AGBL1: variants seen among roughly 807,000 people sequenced by gnomAD.
AGBL1 encodes the protein AGBL carboxypeptidase 1.
In AGBL1, 130 loss-of-function variants were observed where a neutral mutation model predicts 118.9. The ratio of observed to expected loss-of-function variants is 1.09; its 90% CI spans 0.95 to 1.26. The LOEUF is 1.26. AGBL1 is among the 50% of genes most tolerant of loss of function. The pLI is 0.00. For missense variants in AGBL1, 1,584 were observed against 1,298.1 expected, an observed-to-expected ratio of 1.22 and a Z score of -3.38; for synonymous variants, 555 against 478.9, an observed-to-expected ratio of 1.16 and a Z score of -2.08.
chr15:86,151,630 C>G (rs932025848), intron 3 of AGBL1, among the ~76,000 whole-genome samples: 11 of 152,164 alleles, frequency 7.2e-5, no homozygotes, highest in Admixed American at 6.5e-5. Flanking sequence ...CGAGTATGCC[C>G]TCTCTCACCA....
At position 86,907,968 on chromosome 15, in the gene AGBL1, A is replaced by G. The variant is rs1427215493; in HGVS notation, c.*674A>G. Reference sequence around the variant, plus strand: ...TGATCTTCACAGATTTTAAGATCCTATGTATTCAGATCACCAAACATAATG... The same window carrying G: ...TGATCTTCACAGATTTTAAGATCCTGTGTATTCAGATCACCAAACATAATG... On this transcript the variant is annotated 3_prime_UTR_variant, in exon 23 of 23. Coordinates refer to ENST00000614907, the MANE Select transcript of AGBL1 (RefSeq NM_001386094.1). 4 of 152,194 alleles carry G rather than the reference A, an allele frequency of 2.6e-5. No individual in the cohort carries two copies. The highest frequency in any genetic ancestry group is 3.9e-4 in the East Asian group (2 of 5,186). 9.4% of individuals were successfully genotyped at this position (152,194 alleles called of 1,614,324 possible).
At chr15:86,262,971 G>T (rs1267000056) in intron 10 of AGBL1, 77 bp downstream of exon 10, 1 of 1,014,422 alleles carries the variant, frequency 9.9e-7, no homozygotes, top group Non-Finnish European at 1.5e-6. Context: ...CCAAACCAGG[G>T]TGTCCAGATG....
At chr15:86,798,711 T>G (rs7179323) in intron 22 of AGBL1, among the ~76,000 whole-genome samples, 317 of 150,152 alleles carry the variant, frequency 2.1e-3, no homozygotes, top group African/African-American at 7.6e-3. Context: ...TGCTGGGTAG[T>G]ACGTCTGGAT....
intron 21 of AGBL1, among the ~76,000 whole-genome samples, chr15:86,566,569 A>G (rs1045812973): frequency 4.0e-5 from 6 of 151,702 alleles, no homozygotes; most frequent in Non-Finnish European, 5.9e-5. Context: ...TCCTTTTCTC[A>G]TTTCACTTCC....
chr15:86,755,335 G>A (rs960940051), intron 22 of AGBL1, among the ~76,000 whole-genome samples: 1 of 152,212 alleles, frequency 6.6e-6, no homozygotes, highest in Admixed American at 6.5e-5. Flanking sequence ...TTTGAAGTTT[G>A]AGTTATTATT....
chr15:86,717,061 G>A (rs1029308027), intron 22 of AGBL1, among the ~76,000 whole-genome samples: 1 of 152,162 alleles, frequency 6.6e-6, no homozygotes. Context: ...CTGGTATATG[G>A]TAAGTGCTCA....
At chr15:86,979,899 A>G (rs894299690) in intron 23 of AGBL1, among the ~76,000 whole-genome samples, 3 of 152,058 alleles carry the variant, frequency 2.0e-5, no homozygotes, top group Non-Finnish European at 4.4e-5. Context: ...TTCCCATCCC[A>G]TAACAACAGA....
At chr15:86,674,968 C>T (rs2085812354) in intron 22 of AGBL1, among the ~76,000 whole-genome samples, 1 of 152,176 alleles carries the variant, frequency 6.6e-6, no homozygotes, top group Admixed American at 6.5e-5. Flanking sequence ...GGCTAGATTT[C>T]TGAGAATCGT....
At position 86,785,360 on chromosome 15, in the gene AGBL1, C is replaced by CTTTTTTTTTTT. The variant is rs891818403; in HGVS notation, c.3158+110932_3158+110942dup. Among the ~76,000 whole-genome samples the CTTTTTTTTTTT allele has an allele frequency of 3.2e-3, 319 of 98,870 alleles. 1 individual carries two copies. Among genetic ancestry groups the CTTTTTTTTTTT allele is most frequent in the Non-Finnish European group, 4.6e-3 (220 of 47,570 alleles). 64.9% of individuals were successfully genotyped at this position (98,870 alleles called of 152,430 possible). On this transcript the variant is annotated intron_variant, in intron 22 of 22. Coordinates refer to ENST00000614907, the MANE Select transcript of AGBL1 (RefSeq NM_001386094.1). Reference sequence around the variant, plus strand: ...GAAGAGGCACAGAGATCTGCGGGTTCTTTTTTTTTTTTTTTTTTGTTTTTG... The same window carrying CTTTTTTTTTTT: ...GAAGAGGCACAGAGATCTGCGGGTTCTTTTTTTTTTTTTTTTTTTTTTTTTTTTTGTTTTTG...
At chr15:86,800,397 G>C (rs1276651954) in intron 22 of AGBL1, among the ~76,000 whole-genome samples, 1 of 151,986 alleles carries the variant, frequency 6.6e-6, no homozygotes, top group African/African-American at 2.4e-5. Context: ...CTTGCAAATA[G>C]TACATCTTAG....
chr15:86,080,321 T>C (rs1222152071), intron 1 of AGBL1: 1 of 262,892 alleles, frequency 3.8e-6, no homozygotes, highest in African/African-American at 2.2e-5. Flanking sequence ...AAAAGCCTGT[T>C]TGGCAAATGA....
intron 22 of AGBL1, among the ~76,000 whole-genome samples, chr15:86,843,103 A>G (rs2079268517): frequency 1.3e-5 from 2 of 152,296 alleles, no homozygotes; most frequent in South Asian, 2.1e-4. Flanking sequence ...AAAACTACAG[A>G]TGGGTAAATA....
At chr15:86,365,046 C>G (rs1432360895) in intron 17 of AGBL1, among the ~76,000 whole-genome samples, 3 of 143,134 alleles carry the variant, frequency 2.1e-5, no homozygotes, top group Non-Finnish European at 4.5e-5. Context: ...TATATATACA[C>G]ACATATATAT....
intron 18 of AGBL1, among the ~76,000 whole-genome samples, chr15:86,512,020 C>T (rs2083058239): frequency 6.6e-6 from 1 of 151,904 alleles, no homozygotes; most frequent in African/African-American, 2.4e-5. Context: ...CAGTTTAGGA[C>T]ATTAAAATAT....
At chr15:86,996,433 CT>C (rs1447063100) in intron 24 of AGBL1, among the ~76,000 whole-genome samples, 1 of 152,152 alleles carries the variant, frequency 6.6e-6, no homozygotes, top group Non-Finnish European at 1.5e-5. Flanking sequence ...ACTTTGTGCA[CT>C]GCTTCTTTAA....
intron 24 of AGBL1, among the ~76,000 whole-genome samples, chr15:86,995,421 CTAAGGTACATAG>C (rs2081371143): frequency 6.6e-6 from 1 of 152,016 alleles, no homozygotes; most frequent in African/African-American, 2.4e-5. Flanking sequence ...CATAGGGGCA[CTAAGGTACATAG>C]AAGTTAACCA....
chr15:86,456,568 C>T (rs2082260663), intron 18 of AGBL1, among the ~76,000 whole-genome samples: 1 of 152,182 alleles, frequency 6.6e-6, no homozygotes, highest in Non-Finnish European at 1.5e-5. Context: ...GAGAGGTTTA[C>T]TCTTCAGGTT....
intron 1 of AGBL1, among the ~76,000 whole-genome samples, chr15:86,122,890 C>A (rs773493925): frequency 2.0e-5 from 3 of 152,148 alleles, no homozygotes; most frequent in Non-Finnish European, 4.4e-5. Context: ...TAAAACAGAG[C>A]TCTTAAGACT....
At position 86,889,264 on chromosome 15, in the gene AGBL1, A is replaced by G. The variant is rs143406576; in HGVS notation, c.3159-17823A>G. Among the ~76,000 whole-genome samples the G allele has an allele frequency of 7.7e-4, 111 of 143,680 alleles. 2 individuals are homozygous for G. In the East Asian group the frequency reaches 0.019, roughly 25 times the overall value. The allele number at this position is 143,680 out of a possible 152,430, so 94.3% of individuals were successfully genotyped here. On this transcript the variant is annotated intron_variant, in intron 22 of 22. Transcript: ENST00000614907. ...AATTAGGGTGGCGATACCGCTTACT[A>G]TAGAAAGTTTGACCAAAAATTAAAC... is the stretch of plus-strand genomic sequence containing the variant.
Sources: gnomAD v4.1 joint callset for allele counts (sites outside exome capture counted in the v4.1 genomes callset) on GRCh38, gnomAD v4.1.1 for gene constraint, MANE v1.5 for transcripts, NCBI Gene and HGNC (gene_info 2026-07-23, HGNC 2026-07-21) for gene names.